Variants in ANPEP observed in about 807,000 individuals in gnomAD.
ANPEP encodes the protein alanyl aminopeptidase, membrane, also known as aminopeptidase N.
In ANPEP, 70 loss-of-function variants were observed where a neutral mutation model predicts 114.6. That is an observed-to-expected ratio of 0.61 (90% CI 0.50 to 0.75). ANPEP has a LOEUF of 0.75. Among genes scored for constraint, ANPEP ranks in the 30% least tolerant of loss-of-function variants. ANPEP has a pLI of 0.00. For synonymous variants in ANPEP, 548 were observed against 522.3 expected (o/e 1.05, Z -0.67); for missense variants, 1,184 against 1,259.5 (o/e 0.94, Z 0.91).
chr15:89,806,449 G>T lies in ANPEP; in HGVS notation c.135C>A (p.Pro45=). The part of the protein sequence containing the change: ...QEKNKNANSS[P]VASTTPSASA... Reference sequence around the variant, plus strand: ...AGGCGGACGGGGTGGTGGAGGCCACGGGGGAGCTGTTGGCGTTCTTGTTCT... The same window carrying T: ...AGGCGGACGGGGTGGTGGAGGCCACTGGGGAGCTGTTGGCGTTCTTGTTCT... The change falls in exon 2 of 21, where the codon CCC becomes CCA. Residue 45 remains proline, a synonymous_variant. Coordinates refer to ENST00000300060, the MANE Select transcript of ANPEP (RefSeq NM_001150.3). The surrounding 1 kb of genome is among the most constrained non-coding windows in gnomAD (Gnocchi z 5.7). 1 of 1,614,090 alleles carries T rather than the reference G, an allele frequency of 6.2e-7. No homozygotes were observed. The highest frequency in any genetic ancestry group is 8.5e-7 in the Non-Finnish European group (1 of 1,180,002).
At chr15:89,808,680 G>A (rs909681992) in intron 1 of ANPEP, among the ~76,000 whole-genome samples, 6 of 152,238 alleles carry the variant, frequency 3.9e-5, no homozygotes, top group Admixed American at 1.3e-4. Flanking sequence ...GGCCGGACTC[G>A]TGCCAGGCCC....
At chr15:89,797,435 C>CTTT in intron 15 of ANPEP, 140 bp downstream of exon 15, 1 of 1,238,182 alleles carries the variant, frequency 8.1e-7, no homozygotes, top group Non-Finnish European at 1.1e-6. Context: ...GGCAATCTTT[C>CTTT]TTTTTTTTTG....
At position 89,799,466 on chromosome 15, in the gene ANPEP, T is replaced by A. The variant is rs1379786089; in HGVS notation, c.1913A>T (p.Asn638Ile). 3 of 1,614,178 alleles carry A rather than the reference T, an allele frequency of 1.9e-6. No homozygotes were observed. The South Asian group carries it at 3.3e-5, about 18-fold the overall frequency. ...GYYRVNYDEE[N>I]WRKIQTQLQR... ...CAGCTGAGTCTGAATCTTCCTCCAG[T>A]TCTCTTCGTCGTAGTTCACCCGGTA... Residue 638 changes from asparagine to isoleucine, a missense_variant, in exon 13 of 21, where the codon AAC (asparagine) becomes ATC (isoleucine). Physicochemically the swap from Asn to Ile is moderately radical, Grantham distance 149. Transcript: ENST00000300060. The surrounding 1 kb of genome is among the most constrained non-coding windows in gnomAD (Gnocchi z 4.2).
chr15:89,803,982 G>C lies in ANPEP; in HGVS notation c.1200C>G (p.Thr400=), dbSNP rs376314928. ...LAHQWFGNLV[T]IEWWNDLWLN... is the part of the protein sequence containing the mutation. ...GCCACAGGTCATTCCACCACTCTATGGTCACCAGGTTCCCGAACCACTGTG... is the reference window on the plus strand; with the variant it reads ...GCCACAGGTCATTCCACCACTCTATCGTCACCAGGTTCCCGAACCACTGTG... The change falls in exon 7 of 21, where the codon ACC becomes ACG. Residue 400 remains threonine (T), a synonymous_variant. Coordinates refer to ENST00000300060, the MANE Select transcript of ANPEP (RefSeq NM_001150.3). The surrounding 1 kb of genome is among the most constrained non-coding windows in gnomAD (Gnocchi z 4.2). 1 of 1,614,012 alleles carries C rather than the reference G, an allele frequency of 6.2e-7. No individual in the cohort carries two copies. The highest frequency in any genetic ancestry group is 2.2e-5 in the East Asian group (1 of 44,864).
In ANPEP at chr15:89,804,424, A is replaced by T. The variant is rs778936951; in HGVS notation, c.1025-17T>A. 8.7e-6 allele frequency: 14 copies of T among 1,614,104 alleles called. No homozygotes were observed. Among genetic ancestry groups the T allele is most frequent in the Admixed American group, 1.7e-5 (1 of 60,028 alleles). On this transcript the variant is annotated splice_polypyrimidine_tract_variant and intron_variant, in intron 5 of 20. Transcript: ENST00000300060. ...CAATCTGGTCTGGGGAGGCGATGCC[A>T]TTGGCAGGATGAACTCCGGGAGTGG...
Position 89,806,118 on chromosome 15 carries a change from C to A in ANPEP, c.466G>T (p.Val156Leu). 1 of 1,614,104 alleles carries A rather than the reference C, an allele frequency of 6.2e-7. No individual in the cohort carries two copies. The highest frequency in any genetic ancestry group is 8.5e-7 in the Non-Finnish European group (1 of 1,180,000). ...ACCACCAGGTACTCGGTGGGCTCCA[C>A]CAGCTCAGTCTTGTCAATGTCGGGG... ...QPPDIDKTELVEPTEYLVVHL... is the reference protein window; with the variant it reads ...QPPDIDKTELLEPTEYLVVHL... Residue 156 changes from valine to leucine, a missense_variant, in exon 2 of 21, where the codon GTG becomes TTG. Physicochemically the swap from Val to Leu is conservative, Grantham distance 32 (BLOSUM62 1). Coordinates refer to ENST00000300060, the MANE Select transcript of ANPEP (RefSeq NM_001150.3). The surrounding 1 kb of genome is among the most constrained non-coding windows in gnomAD (Gnocchi z 5.7).
At position 89,804,471 on chromosome 15, in the gene ANPEP, C is replaced by T. The variant is rs766615296; in HGVS notation, c.1024+20G>A. ...GTGGAGCTCCATCCACTGCCTCCCT[C>T]CTCAAGGACCCCCACTCACCTGATT... On this transcript the variant is annotated intron_variant, in intron 5 of 20. Coordinates refer to ENST00000300060, the MANE Select transcript of ANPEP (RefSeq NM_001150.3). 3 of 1,614,144 alleles carry T rather than the reference C, an allele frequency of 1.9e-6. No individual in the cohort carries two copies. In the South Asian group the frequency reaches 3.3e-5, roughly 18 times the overall value.
At chr15:89,790,865 G>T in intron 19 of ANPEP, 88 bp downstream of exon 19, 1 of 1,508,452 alleles carries the variant, frequency 6.6e-7, no homozygotes, top group Non-Finnish European at 9.0e-7. Context: ...TCTGGTTAGT[G>T]CCCCCGGCGT....
intron 1 of ANPEP, among the ~76,000 whole-genome samples, chr15:89,808,072 T>C (rs1487139158): frequency 6.6e-6 from 1 of 152,146 alleles, no homozygotes; most frequent in African/African-American, 2.4e-5. Flanking sequence ...TCCTTTTGCT[T>C]GTAGAGTCCA....
At chr15:89,800,556 CTTTTTTTTT>C (rs759889538) in intron 12 of ANPEP, among the ~76,000 whole-genome samples, 1 of 124,378 alleles carries the variant, frequency 8.0e-6, no homozygotes, top group East Asian at 2.2e-4. Context: ...GGATTCTCTC[CTTTTTTTTT>C]TTTTTTTTTT....
intron 14 of ANPEP, among the ~76,000 whole-genome samples, chr15:89,798,061 G>A (rs998035259): frequency 2.0e-5 from 3 of 152,230 alleles, no homozygotes; most frequent in Admixed American, 6.5e-5. Flanking sequence ...AGACAGAGCT[G>A]AGATTTAAAA....
rs751982905 is a variant in ANPEP at position 89,797,557 on chromosome 15, T to C, written c.2157+18A>G. The C allele has an allele frequency of 1.7e-5, 27 of 1,604,092 alleles. No homozygotes were observed. Among genetic ancestry groups the C allele is most frequent in the Non-Finnish European group, 2.2e-5 (26 of 1,173,890 alleles). Reference sequence around the variant, plus strand: ...CTGGGGCGAACTGGTTCTTGAACCCTACCATGCACCTCCGTACCTTCATGG... The same window carrying C: ...CTGGGGCGAACTGGTTCTTGAACCCCACCATGCACCTCCGTACCTTCATGG... On this transcript the variant is annotated intron_variant, in intron 15 of 20. Coordinates refer to ENST00000300060, the MANE Select transcript of ANPEP (RefSeq NM_001150.3).
intron 1 of ANPEP, among the ~76,000 whole-genome samples, chr15:89,811,624 C>T (rs555284294): frequency 1.4e-5 from 2 of 143,952 alleles, no homozygotes; most frequent in East Asian, 4.0e-4. Flanking sequence ...CCAGCCTGGG[C>T]GACAGAGTGA....
chr15:89,795,936 T>C (rs1488009937), intron 15 of ANPEP, among the ~76,000 whole-genome samples: 1 of 152,200 alleles, frequency 6.6e-6, no homozygotes, highest in Non-Finnish European at 1.5e-5. Context: ...AAAACTGGGC[T>C]GGGCACAGTG....
At chr15:89,805,600 G>T in intron 2 of ANPEP, 137 bp from the exon 3 acceptor site, 2 of 1,285,704 alleles carry the variant, frequency 1.6e-6, no homozygotes, top group Non-Finnish European at 2.1e-6. Context: ...TCCCACCCCC[G>T]CCTCGCCGGG....
At chr15:89,809,362 C>T (rs887884069) in intron 1 of ANPEP, among the ~76,000 whole-genome samples, 1 of 152,226 alleles carries the variant, frequency 6.6e-6, no homozygotes, top group African/African-American at 2.4e-5. Context: ...AAGAAAGAGG[C>T]CCTGCCTGGC....
At chr15:89,792,855 G>A (rs956625109) in intron 16 of ANPEP, among the ~76,000 whole-genome samples, 180 bp downstream of exon 16, 1 of 152,194 alleles carries the variant, frequency 6.6e-6, no homozygotes, top group African/African-American at 2.4e-5. Context: ...TGTATAAAGA[G>A]GTCCGATGGG....
chr15:89,801,724 G>T, intron 10 of ANPEP, 117 bp from the exon 11 acceptor site: 2 of 1,238,188 alleles, frequency 1.6e-6, no homozygotes, highest in Admixed American at 4.5e-5. Flanking sequence ...GGGAGGCCTG[G>T]GAAGGGCACT....
chr15:89,807,471 T>G (rs1369719919), intron 1 of ANPEP, among the ~76,000 whole-genome samples: 3 of 151,938 alleles, frequency 2.0e-5, no homozygotes, highest in African/African-American at 7.3e-5. Context: ...AAGGCCGAGG[T>G]GGGTGGATCA....
Sources: gnomAD v4.1 joint callset for allele counts (sites outside exome capture counted in the v4.1 genomes callset) on GRCh38, gnomAD v4.1.1 for gene constraint, Gnocchi (gnomAD v3.1) non-coding constraint, MANE v1.5 for transcripts, NCBI Gene and HGNC (gene_info 2026-07-23, HGNC 2026-07-21) for gene names.